The following APPBP2 variants were observed in gnomAD, a reference collection of about 807,000 sequenced individuals.
APPBP2 encodes the protein amyloid beta precursor protein binding protein 2.
In APPBP2, 15 loss-of-function variants were observed where a neutral mutation model predicts 76.0. That is an observed-to-expected ratio of 0.20 (90% confidence interval 0.13 to 0.30). The LOEUF (loss-of-function observed/expected upper bound fraction) is 0.30, where lower values mean the gene tolerates loss of function less well. Ranked by LOEUF, APPBP2 falls within the 10% of genes least tolerant of loss-of-function variation. The probability of loss-of-function intolerance (pLI) is 1.00; values close to 1 mark genes in which losing one functional copy is unlikely to be tolerated. For missense variants in APPBP2, 401 were observed against 687.2 expected (o/e 0.58, Z 4.66); for synonymous variants, 222 against 242.2 (o/e 0.92, Z 0.77).
chr17:60,512,958 CTTTTTT>C (rs58923452), intron 1 of APPBP2, among the ~76,000 whole-genome samples: 1 of 127,200 alleles, frequency 7.9e-6, no homozygotes, highest in African/African-American at 3.0e-5. Flanking sequence ...TTTTCTTTTC[CTTTTTT>C]TTTTTTTTTT....
chr17:60,460,155 T>C (rs1328590463), intron 9 of APPBP2: 4 of 152,380 alleles, frequency 2.6e-5, no homozygotes, highest in African/African-American at 9.6e-5. Context: ...CAAGTCTCAA[T>C]AGTAAATCAC....
intron 3 of APPBP2, among the ~76,000 whole-genome samples, chr17:60,490,282 A>G (rs2090717071): frequency 6.6e-6 from 1 of 152,322 alleles, no homozygotes; most frequent in South Asian, 2.1e-4. Context: ...CCCTACAGTT[A>G]TATAATATGT....
At chr17:60,512,008 T>C (rs2090917493) in intron 1 of APPBP2, among the ~76,000 whole-genome samples, 1 of 152,152 alleles carries the variant, frequency 6.6e-6, no homozygotes, top group South Asian at 2.1e-4. Context: ...CCCCAAATCT[T>C]CCAATCTAGG....
In APPBP2 at chr17:60,454,282, T is replaced by G. The variant is rs774824049; in HGVS notation, c.1338+20A>C. 6.6e-7 allele frequency: 1 copy of G among 1,505,854 alleles called. No individual in the cohort carries two copies. The highest frequency in any genetic ancestry group is 1.4e-5 in the African/African-American group (1 of 70,720). 93.3% of individuals were successfully genotyped at this position (1,505,854 alleles called of 1,614,324 possible). On this transcript the variant is annotated intron_variant, in intron 11 of 12. Coordinates refer to ENST00000083182, the MANE Select transcript of APPBP2 (RefSeq NM_006380.5). ...TTTCATTACTTAAGAGAGAAAAATATAGTAAAAACATGTTTCTACCTTAAA... is the reference window on the plus strand; with the variant it reads ...TTTCATTACTTAAGAGAGAAAAATAGAGTAAAAACATGTTTCTACCTTAAA...
intron 5 of APPBP2, chr17:60,465,242 C>T (rs2090502347): frequency 6.6e-6 from 1 of 152,124 alleles, no homozygotes; most frequent in African/African-American, 2.4e-5. Context: ...TTGATCAAAG[C>T]GTAGGTATAA....
intron 3 of APPBP2, among the ~76,000 whole-genome samples, chr17:60,493,932 C>T (rs1012346640): frequency 2.0e-5 from 3 of 152,154 alleles, no homozygotes; most frequent in African/African-American, 7.2e-5. Context: ...GTCACCATGC[C>T]CAGCTCTATC....
chr17:60,481,496 C>A (rs1296656969), intron 3 of APPBP2, among the ~76,000 whole-genome samples: 1 of 152,166 alleles, frequency 6.6e-6, no homozygotes, highest in Non-Finnish European at 1.5e-5. Context: ...TCAGATATAA[C>A]ATCTACTTCA....
At chr17:60,494,764 C>T (rs1407351150) in intron 2 of APPBP2, 147 bp from the exon 3 acceptor site, 1 of 724,936 alleles carries the variant, frequency 1.4e-6, no homozygotes, top group Non-Finnish European at 2.1e-6. Context: ...AATTACAAGG[C>T]CATAATTCAA....
At chr17:60,519,839 G>A (rs1048144894) in intron 1 of APPBP2, among the ~76,000 whole-genome samples, 2 of 143,840 alleles carry the variant, frequency 1.4e-5, no homozygotes, top group Non-Finnish European at 3.0e-5. Context: ...GCTGGAGTAC[G>A]GTGATGCAAT....
chr17:60,485,827 G>A (rs903768364), intron 3 of APPBP2, among the ~76,000 whole-genome samples: 4 of 152,016 alleles, frequency 2.6e-5, no homozygotes, highest in African/African-American at 9.7e-5. Flanking sequence ...GCTTTCTCTT[G>A]TGGGCTATTA....
chr17:60,491,134 CTTG>C (rs1483076703), intron 3 of APPBP2, among the ~76,000 whole-genome samples: 2 of 152,220 alleles, frequency 1.3e-5, no homozygotes, highest in Non-Finnish European at 2.9e-5. Flanking sequence ...TTCCTAGAGA[CTTG>C]TTGAATAGCT....
At chr17:60,497,663 A>G (rs1428298871) in intron 2 of APPBP2, among the ~76,000 whole-genome samples, 1 of 152,112 alleles carries the variant, frequency 6.6e-6, no homozygotes, top group Non-Finnish European at 1.5e-5. Context: ...TTAAAATAAA[A>G]CAGTACCTGG....
At chr17:60,481,439 A>G (rs2090627726) in intron 3 of APPBP2, among the ~76,000 whole-genome samples, 1 of 152,148 alleles carries the variant, frequency 6.6e-6, no homozygotes, top group Non-Finnish European at 1.5e-5. Context: ...ATAAATAAAT[A>G]TTTTTTATGC....
chr17:60,458,429 C>G (rs2090448085), intron 9 of APPBP2, among the ~76,000 whole-genome samples: 1 of 146,116 alleles, frequency 6.8e-6, no homozygotes, highest in Non-Finnish European at 1.5e-5. Context: ...GTGACAGACT[C>G]TGTCTCAAAA....
intron 1 of APPBP2, among the ~76,000 whole-genome samples, chr17:60,517,566 G>A (rs1157924409): frequency 6.6e-6 from 1 of 152,138 alleles, no homozygotes; most frequent in Non-Finnish European, 1.5e-5. Context: ...TGTGTGTGGT[G>A]TGAGGTAAAG....
chr17:60,458,781 TG>T (rs1198632758), intron 9 of APPBP2, among the ~76,000 whole-genome samples: 59 of 150,954 alleles, frequency 3.9e-4, no homozygotes, highest in African/African-American at 1.4e-3. Flanking sequence ...TTTTTTTTTT[TG>T]TTTTTTTTTT....
intron 3 of APPBP2, among the ~76,000 whole-genome samples, chr17:60,493,181 T>C (rs1252611962): frequency 6.6e-6 from 1 of 152,210 alleles, no homozygotes; most frequent in African/African-American, 2.4e-5. Context: ...TGTGGAACTA[T>C]AAGTCCATTA....
chr17:60,475,278 G>GACATA (rs2090581544), intron 4 of APPBP2, among the ~76,000 whole-genome samples: 1 of 151,966 alleles, frequency 6.6e-6, no homozygotes, highest in African/African-American at 2.4e-5. Flanking sequence ...AACATGACAT[G>GACATA]ACATAACATA....
Position 60,511,359 on chromosome 17 carries a change from G to T in APPBP2, c.139-10872C>A, listed in dbSNP as rs1030046150. Reference sequence around the variant, plus strand: ...CCCAGCACTCTGGGAAGCCGAGGTGGGTGGATCATGAGGTCAGGAGATCGA... The same window carrying T: ...CCCAGCACTCTGGGAAGCCGAGGTGTGTGGATCATGAGGTCAGGAGATCGA... On this transcript the variant is annotated intron_variant, in intron 1 of 12. Transcript: ENST00000083182. 2.6e-5 allele frequency among the ~76,000 whole-genome samples: 4 copies of T among 152,192 alleles called. No individual in the cohort carries two copies. In the East Asian group the frequency reaches 7.7e-4, roughly 29 times the overall value.
Sources: allele counts gnomAD v4.1 joint callset (sites outside exome capture counted in the v4.1 genomes callset), GRCh38; gene constraint gnomAD v4.1.1; transcripts MANE v1.5; gene names NCBI Gene and HGNC (gene_info 2026-07-23, HGNC 2026-07-21).